Variants in GOSR1 observed in about 807,000 individuals in gnomAD.
GOSR1 encodes golgi SNAP receptor complex member 1, also known as 28 kDa Golgi SNARE protein.
In GOSR1, 21 loss-of-function variants were observed where a neutral mutation model predicts 35.5. The ratio of observed to expected loss-of-function variants is 0.59; its 90% CI spans 0.42 to 0.85. The LOEUF is 0.85. GOSR1 is among the 40% of genes least tolerant of loss of function. The pLI is 0.00. For missense variants in GOSR1, 285 were observed against 309.6 expected, an observed-to-expected ratio of 0.92 and a Z score of 0.60; for synonymous variants, 94 against 106.6, an observed-to-expected ratio of 0.88 and a Z score of 0.73.
intron 6 of GOSR1, chr17:30,495,720 TAGG>T (rs1966973877): frequency 4.1e-6 from 1 of 242,804 alleles, no homozygotes; most frequent in African/African-American, 2.2e-5. Context: ...CTGGATCTCA[TAGG>T]AGATTAACTG....
intron 4 of GOSR1, among the ~76,000 whole-genome samples, chr17:30,486,385 T>C (rs527878606): frequency 2.0e-5 from 3 of 151,828 alleles, no homozygotes; most frequent in Admixed American, 6.5e-5. Flanking sequence ...GGCGTGGTGG[T>C]GGGTGCCTGT....
chr17:30,487,656 T>A (rs7223819), intron 4 of GOSR1, among the ~76,000 whole-genome samples: 92,646 of 152,142 alleles, frequency 0.61, 29,556 homozygotes, highest in East Asian at 0.83. Flanking sequence ...AGTAAAAATT[T>A]AAAAAGGGTA....
At chr17:30,508,474 T>A (rs1360209217) in intron 6 of GOSR1, among the ~76,000 whole-genome samples, 1 of 152,228 alleles carries the variant, frequency 6.6e-6, no homozygotes. Flanking sequence ...TTTGTGACCT[T>A]GTGGCCACTT....
chr17:30,492,168 A>G (rs1459693396), intron 5 of GOSR1, among the ~76,000 whole-genome samples: 14 of 152,200 alleles, frequency 9.2e-5, no homozygotes, highest in Admixed American at 2.6e-4. Context: ...TTTTTTGTCA[A>G]CTTCAATACA....
chr17:30,478,266 C>G (rs1914085467), intron 1 of GOSR1, among the ~76,000 whole-genome samples: 1 of 152,328 alleles, frequency 6.6e-6, no homozygotes, highest in South Asian at 2.1e-4. Flanking sequence ...ACCTTTTTCT[C>G]CCAACTGTCT....
At chr17:30,514,256 A>G (rs1359507067) in intron 7 of GOSR1, among the ~76,000 whole-genome samples, 1 of 152,142 alleles carries the variant, frequency 6.6e-6, no homozygotes, top group African/African-American at 2.4e-5. Context: ...GTGATTCTCT[A>G]CACCTCCAAC....
At chr17:30,481,783 A>T (rs1317333121) in intron 2 of GOSR1, among the ~76,000 whole-genome samples, 1 of 152,114 alleles carries the variant, frequency 6.6e-6, no homozygotes, top group Non-Finnish European at 1.5e-5. Flanking sequence ...TGGAAAATAC[A>T]TTCTTATCTT....
chr17:30,498,696 C>T (rs1195292895), intron 6 of GOSR1, among the ~76,000 whole-genome samples: 1 of 152,142 alleles, frequency 6.6e-6, no homozygotes, highest in Non-Finnish European at 1.5e-5. Context: ...TTTGAAACGT[C>T]ACGCATTTAC....
chr17:30,522,362 T>C lies in GOSR1; in HGVS notation c.731T>C (p.Leu244Pro). The change falls in exon 9 of 9, where the codon CTG (leucine) becomes CCG (proline). Residue 244 changes from leucine to proline, a missense_variant. Physicochemically the swap from Leu to Pro is moderately conservative, Grantham distance 98 (BLOSUM62 -3). Transcript: ENST00000451249. ...GGGATCTGTACCATCCTGTTGCTGC[T>C]GTATGCGTTCCATTGATGGGACATC... ...VIGICTILLL[L>P]YAFH 3 of 1,590,848 alleles carry C rather than the reference T, an allele frequency of 1.9e-6. No homozygotes were observed. Among genetic ancestry groups the C allele is most frequent in the Admixed American group, 1.7e-5 (1 of 57,194 alleles).
chr17:30,477,673 A>G, intron 1 of GOSR1: 2 of 985,152 alleles, frequency 2.0e-6, no homozygotes, highest in Non-Finnish European at 2.4e-6. Flanking sequence ...TGTGAGCGGG[A>G]CGTGGGGCAG....
chr17:30,499,667 T>A (rs1316494168), intron 6 of GOSR1, among the ~76,000 whole-genome samples: 1 of 152,216 alleles, frequency 6.6e-6, no homozygotes, highest in African/African-American at 2.4e-5. Context: ...AGTAAATACT[T>A]GGAGTTGTAT....
intron 4 of GOSR1, among the ~76,000 whole-genome samples, chr17:30,487,448 G>A (rs1486110197): frequency 1.3e-5 from 2 of 152,102 alleles, no homozygotes; most frequent in Middle Eastern, 3.4e-3. Context: ...TTACTACACA[G>A]AGATATAATA....
chr17:30,486,517 T>C (rs9908192), intron 4 of GOSR1, among the ~76,000 whole-genome samples: 90,132 of 148,132 alleles, frequency 0.61, 28,720 homozygotes, highest in East Asian at 0.83. Flanking sequence ...GAGTGACTGT[T>C]TCAAAAAAAA....
chr17:30,514,482 A>G (rs921749077), intron 7 of GOSR1, among the ~76,000 whole-genome samples: 1 of 152,204 alleles, frequency 6.6e-6, no homozygotes, highest in Non-Finnish European at 1.5e-5. Context: ...TTGATTCATT[A>G]TTTAACCTAA....
intron 2 of GOSR1, among the ~76,000 whole-genome samples, chr17:30,481,630 G>A (rs1227082675): frequency 5.3e-5 from 8 of 152,176 alleles, no homozygotes; most frequent in Non-Finnish European, 5.9e-5. Context: ...ATCTACCCAG[G>A]TGCCAGGTAT....
intron 7 of GOSR1, chr17:30,519,726 C>T: frequency 2.3e-6 from 1 of 440,452 alleles, no homozygotes; most frequent in Admixed American, 4.3e-5. Flanking sequence ...TGGCTTACTG[C>T]CTTGTATAAA....
intron 4 of GOSR1, among the ~76,000 whole-genome samples, chr17:30,487,036 G>T (rs1207438630): frequency 1.3e-5 from 2 of 152,066 alleles, no homozygotes; most frequent in Non-Finnish European, 1.5e-5. Context: ...GTGGTAGAGG[G>T]TTCCTAGTTC....
intron 2 of GOSR1, 115 bp downstream of exon 2, chr17:30,481,372 T>C (rs1914338076): frequency 1.4e-5 from 9 of 653,804 alleles, no homozygotes; most frequent in Non-Finnish European, 2.3e-5. Context: ...TTTTTGGTGT[T>C]TTGTTTTGCC....
intron 6 of GOSR1, among the ~76,000 whole-genome samples, chr17:30,499,633 A>G (rs558744973): frequency 7.9e-5 from 12 of 152,246 alleles, no homozygotes; most frequent in African/African-American, 2.9e-4. Flanking sequence ...GAGCCACTGT[A>G]CCCTGCCGTT....
Sources: gnomAD v4.1 joint callset for allele counts (sites outside exome capture counted in the v4.1 genomes callset) on GRCh38, gnomAD v4.1.1 for gene constraint, MANE v1.5 for transcripts, NCBI Gene and HGNC (gene_info 2026-07-23, HGNC 2026-07-21) for gene names.